The following CROCC variants were observed in gnomAD, a reference collection of about 807,000 sequenced individuals.
CROCC encodes ciliary rootlet coiled-coil, rootletin, also known as rootletin.
A neutral mutation model predicts 245.2 loss-of-function variants in CROCC; 180 were observed. The ratio of observed to expected loss-of-function variants is 0.73; its 90% confidence interval spans 0.65 to 0.83. The LOEUF is 0.83. CROCC is among the 40% of genes least tolerant of loss of function. The pLI is 0.00. For synonymous variants in CROCC, 1,205 were observed against 1,241.6 expected (o/e 0.97, Z 0.62); for missense variants, 2,688 against 2,779.4 (o/e 0.97, Z 0.74).
chr1:16,924,930 G>T (rs1448137636), intron 3 of CROCC, among the ~76,000 whole-genome samples: 1 of 152,296 alleles, frequency 6.6e-6, no homozygotes. Context: ...ATCTGGGGCA[G>T]CCACAAGACC....
rs1199545401 is a variant in CROCC at position 16,945,680 on chromosome 1, G to A, written c.2136+74G>A. 14 of 1,485,216 alleles carry A rather than the reference G, an allele frequency of 9.4e-6. No homozygotes were observed. The East Asian group carries it at 3.2e-4, about 34-fold the overall frequency. The allele number at this position is 1,485,216 out of a possible 1,614,324, so 92.0% of individuals were successfully genotyped here. On this transcript the variant is annotated intron_variant, in intron 15 of 36. Transcript: ENST00000375541. ...CCCCAAGCCTTGTCACTCTGGCACA[G>A]ACTGGTCCCAGTGTCAGGCAGACCT... is the stretch of plus-strand genomic sequence containing the variant.
upstream of CROCC, among the ~76,000 whole-genome samples, chr1:16,916,932 A>G (rs1402732020): frequency 6.6e-6 from 1 of 152,290 alleles, no homozygotes; most frequent in Non-Finnish European, 1.5e-5. Context: ...AGCCTGGCCA[A>G]CATGGTGAAA....
intron 17 of CROCC, among the ~76,000 whole-genome samples, chr1:16,947,871 C>T (rs2076084855): frequency 1.3e-5 from 2 of 152,326 alleles, no homozygotes; most frequent in South Asian, 2.1e-4. Context: ...CAGAGTCTTG[C>T]TCTGTTGCCC....
In CROCC at chr1:16,954,725, C is replaced by T. The variant is rs1041992001; in HGVS notation, c.3322-9C>T. On this transcript the variant is annotated splice_polypyrimidine_tract_variant and intron_variant, in intron 22 of 36. Transcript: ENST00000375541. The surrounding 1 kb of genome is among the most constrained non-coding windows in gnomAD (Gnocchi z 4.4). Reference sequence around the variant, plus strand: ...GCAGGACCAAGTCTGAGGAGCCCCTCTGTCCCAGAGCACCGTGAACGCTCT... The same window carrying T: ...GCAGGACCAAGTCTGAGGAGCCCCTTTGTCCCAGAGCACCGTGAACGCTCT... The T allele has an allele frequency of 1.3e-6, 2 of 1,546,044 alleles. No individual in the cohort carries two copies. The highest frequency in any genetic ancestry group is 8.7e-7 in the Non-Finnish European group (1 of 1,143,950).
chr1:16,921,900 G>A (rs769920686), upstream of CROCC: 90 of 1,113,922 alleles, frequency 8.1e-5, no homozygotes, highest in Admixed American at 7.9e-4. Flanking sequence ...GGGCGCCGCC[G>A]GATTTAAGCT....
At chr1:16,950,666 TTA>T (rs2076144123) in intron 19 of CROCC, among the ~76,000 whole-genome samples, 1 of 152,260 alleles carries the variant, frequency 6.6e-6, no homozygotes, top group African/African-American at 2.4e-5. Flanking sequence ...CCTAGGGTTG[TTA>T]TATGTTTGAC....
chr1:16,929,029 G>A (rs1315026316), intron 3 of CROCC, among the ~76,000 whole-genome samples: 6 of 152,162 alleles, frequency 3.9e-5, no homozygotes, highest in African/African-American at 1.2e-4. Flanking sequence ...GTTTCATCAC[G>A]TTAGCCAGGC....
intron 16 of CROCC, 147 bp from the exon 17 acceptor site, chr1:16,946,614 C>T: frequency 9.4e-7 from 1 of 1,066,628 alleles, no homozygotes; most frequent in South Asian, 1.6e-5. Context: ...TCTCCCCCTC[C>T]CCAGTGTCCC....
chr1:16,919,356 A>G (rs1176620720), upstream of CROCC, among the ~76,000 whole-genome samples: 1 of 152,262 alleles, frequency 6.6e-6, no homozygotes, highest in African/African-American at 2.4e-5. Flanking sequence ...TGAGAGCCCA[A>G]TGTCTCTGAG....
intron 3 of CROCC, among the ~76,000 whole-genome samples, chr1:16,927,761 C>T (rs777931616): frequency 3.3e-5 from 5 of 152,294 alleles, no homozygotes; most frequent in Non-Finnish European, 7.3e-5. Context: ...ACACCGCTCA[C>T]CATTGACCTC....
Position 16,972,362 on chromosome 1 carries a change from G to A in CROCC, c.5970G>A (p.Val1990=). 1 of 1,613,912 alleles carries A rather than the reference G, an allele frequency of 6.2e-7. No individual in the cohort carries two copies. Among genetic ancestry groups the A allele is most frequent in the Non-Finnish European group, 8.5e-7 (1 of 1,179,850 alleles). ...CTTACCTTCCCTTTCTTCCCCAGGT[G>A]TCCACACTGAAGGGCCAGCTGCAGC... ...RQRVRGLEEQ[V]STLKGQLQQE... Residue 1990 remains valine, a splice_region_variant and synonymous_variant, in exon 37 of 37, where the codon GTG becomes GTA. Transcript: ENST00000375541.
upstream of CROCC, among the ~76,000 whole-genome samples, chr1:16,917,286 A>T (rs1251688233): frequency 2.0e-5 from 3 of 152,298 alleles, no homozygotes; most frequent in African/African-American, 7.2e-5. Flanking sequence ...GGAGTGTTAA[A>T]GCAGGTAAGG....
At position 16,971,512 on chromosome 1, in the gene CROCC, G is replaced by A. The variant is rs1236577494; in HGVS notation, c.5832G>A (p.Glu1944=). 2 of 1,537,168 alleles carry A rather than the reference G, an allele frequency of 1.3e-6. No individual in the cohort carries two copies. Among genetic ancestry groups the A allele is most frequent in the Non-Finnish European group, 1.7e-6 (2 of 1,146,436 alleles). The change falls in exon 36 of 37, where the codon GAG becomes GAA. Residue 1944 remains glutamate (E), a synonymous_variant. Transcript: ENST00000375541. ...AGAGCCACAGCCCGGCCCAGCTGGA[G>A]GTGGATGCGCAGCAGCAGCAGCTGG... The part of the protein sequence containing the change: ...LEQSHSPAQL[E]VDAQQQQLEL...
intron 3 of CROCC, among the ~76,000 whole-genome samples, chr1:16,928,136 G>C (rs955013001): frequency 1.3e-5 from 2 of 152,300 alleles, no homozygotes; most frequent in African/African-American, 2.4e-5. Context: ...GCCCTGCACG[G>C]GTGGGCTTTT....
intron 8 of CROCC, among the ~76,000 whole-genome samples, chr1:16,935,563 G>T (rs1197458813): frequency 6.6e-6 from 1 of 152,288 alleles, no homozygotes; most frequent in African/African-American, 2.4e-5. Context: ...TGGGACTACA[G>T]GCGCCTGCCA....
Position 16,972,486 on chromosome 1 carries a change from CAG to C in CROCC, c.*41_*42del, listed in dbSNP as rs1253828506. 6.9e-7 allele frequency: 1 copy of C among 1,448,888 alleles called. No individual in the cohort carries two copies. The highest frequency in any genetic ancestry group is 2.1e-5 in the Admixed American group (1 of 48,350). 89.8% of individuals were successfully genotyped at this position (1,448,888 alleles called of 1,614,324 possible). A position where few individuals can be genotyped will look rare whatever the true frequency, so the allele number is the denominator to read the frequency against. On this transcript the variant is annotated 3_prime_UTR_variant, in exon 37 of 37. Coordinates refer to ENST00000375541, the MANE Select transcript of CROCC (RefSeq NM_014675.5). ...CTGGAGAACACCCCTGTGCCTGGGA[CAG>C]GGGAGGACCCTTCTTTTGGACAGCC...
rs926122911 is a variant in CROCC at position 16,953,328 on chromosome 1, C to G, written c.3033C>G (p.Ala1011=). ...AGGCAGCATGGCGGGAGCTGGAGGC[C>G]GAGCGGGCCCAGCTGCAGAGTCAGC... ...EKEAAWRELE[A]ERAQLQSQLQ... is the part of the protein sequence containing the mutation. The change falls in exon 21 of 37, where the codon GCC becomes GCG. Residue 1011 remains alanine (A), a synonymous_variant. Coordinates refer to ENST00000375541, the MANE Select transcript of CROCC (RefSeq NM_014675.5). The G allele has an allele frequency of 6.6e-5, 106 of 1,595,014 alleles. No individual in the cohort carries two copies. The highest frequency in any genetic ancestry group is 8.7e-5 in the Non-Finnish European group (102 of 1,172,870).
intron 27 of CROCC, 36 bp downstream of exon 27, chr1:16,961,166 TG>T: frequency 7.9e-7 from 1 of 1,262,690 alleles, no homozygotes; most frequent in South Asian, 2.4e-5. Flanking sequence ...AGGGGGGAGG[TG>T]GGCGGGCCGC....
chr1:16,965,956 C>T (rs944617172), intron 28 of CROCC, 43 bp from the exon 29 acceptor site: 13 of 1,602,572 alleles, frequency 8.1e-6, no homozygotes, highest in Non-Finnish European at 1.0e-5. Context: ...TGCAGGGTGT[C>T]AGAGCAGGGG....
Sources: allele counts gnomAD v4.1 joint callset (sites outside exome capture counted in the v4.1 genomes callset), GRCh38; gene constraint gnomAD v4.1.1; non-coding constraint Gnocchi (gnomAD v3.1); transcripts MANE v1.5; gene names NCBI Gene and HGNC (gene_info 2026-07-23, HGNC 2026-07-21).